CACNA2D1: variants seen among roughly 807,000 people sequenced by gnomAD.
The protein encoded by CACNA2D1 is calcium voltage-gated channel auxiliary subunit alpha2delta 1.
A neutral mutation model predicts 171.5 loss-of-function variants in CACNA2D1; 53 were observed. The ratio of observed to expected loss-of-function variants is 0.31; its 90% CI spans 0.25 to 0.39. The LOEUF (loss-of-function observed/expected upper bound fraction) is 0.39, where lower values mean the gene tolerates loss of function less well. Ranked by LOEUF, CACNA2D1 falls within the 10% of genes least tolerant of loss-of-function variation. The pLI is 1.00. For synonymous variants in CACNA2D1, 442 were observed against 443.1 expected (o/e 1.00, Z 0.03); for missense variants, 903 against 1,299.8 (o/e 0.69, Z 4.69).
intron 3 of CACNA2D1, among the ~76,000 whole-genome samples, chr7:82,203,817 G>A (rs559173262): frequency 1.2e-4 from 19 of 152,292 alleles, no homozygotes; most frequent in Admixed American, 3.3e-4. Context: ...CAGCATGGCC[G>A]GATGGGCTAC....
At chr7:82,160,901 C>A (rs1332648381) in intron 4 of CACNA2D1, among the ~76,000 whole-genome samples, 2 of 151,976 alleles carry the variant, frequency 1.3e-5, no homozygotes, top group African/African-American at 2.4e-5. Context: ...GAAAAAATAT[C>A]TTTTCATCCC....
At chr7:82,337,891 T>C (rs937605647) in intron 2 of CACNA2D1, among the ~76,000 whole-genome samples, 8 of 152,206 alleles carry the variant, frequency 5.3e-5, no homozygotes, top group Non-Finnish European at 1.0e-4. Context: ...TTGTCACCTG[T>C]ACATTCTTTC....
intron 15 of CACNA2D1, among the ~76,000 whole-genome samples, chr7:82,011,465 C>A (rs919272364): frequency 1.3e-5 from 2 of 152,070 alleles, no homozygotes; most frequent in Non-Finnish European, 2.9e-5. Flanking sequence ...GGCAAAAAGA[C>A]CCCCTTGTTG....
chr7:82,007,626 C>G (rs751424341), intron 16 of CACNA2D1, 53 bp downstream of exon 16: 7 of 943,032 alleles, frequency 7.4e-6, no homozygotes, highest in Non-Finnish European at 1.0e-5. Flanking sequence ...TGTTGAGCTT[C>G]AACGTCACAG....
chr7:82,313,271 C>G (rs80071927), intron 3 of CACNA2D1, among the ~76,000 whole-genome samples: 25,826 of 152,064 alleles, frequency 0.17, 2,272 homozygotes, highest in South Asian at 0.28. Context: ...CTAAAGGAAA[C>G]CAAAAAGATT....
intron 1 of CACNA2D1, among the ~76,000 whole-genome samples, chr7:82,410,229 G>GA (rs898040291): frequency 2.6e-5 from 4 of 151,960 alleles, no homozygotes; most frequent in Non-Finnish European, 4.4e-5. Context: ...AATTTTAGTA[G>GA]AAAAAAAGAT....
intron 10 of CACNA2D1, among the ~76,000 whole-genome samples, chr7:82,047,907 T>A (rs1804736366): frequency 6.6e-6 from 1 of 152,078 alleles, no homozygotes; most frequent in South Asian, 2.1e-4. Context: ...AGGGAAGGCC[T>A]CTCTATCACG....
intron 1 of CACNA2D1, among the ~76,000 whole-genome samples, chr7:82,413,359 T>C (rs1228309245): frequency 6.6e-6 from 1 of 152,242 alleles, no homozygotes; most frequent in African/African-American, 2.4e-5. Flanking sequence ...AATTGTTGTG[T>C]CTGCATTTTC....
chr7:82,263,259 C>A (rs887044079), intron 3 of CACNA2D1, among the ~76,000 whole-genome samples: 1 of 151,926 alleles, frequency 6.6e-6, no homozygotes, highest in African/African-American at 2.4e-5. Context: ...CAGGTGCGCA[C>A]CACCAAGCCT....
chr7:82,389,981 CA>C (rs1824909869), intron 1 of CACNA2D1, among the ~76,000 whole-genome samples: 1 of 152,102 alleles, frequency 6.6e-6, no homozygotes, highest in Non-Finnish European at 1.5e-5. Flanking sequence ...AACATGAGCT[CA>C]GGGGAGAAGA....
chr7:82,334,268 A>G (rs1817723934), intron 3 of CACNA2D1, among the ~76,000 whole-genome samples: 2 of 152,166 alleles, frequency 1.3e-5, no homozygotes, highest in East Asian at 1.9e-4. Flanking sequence ...TTGGAAAACA[A>G]TTGTCATTTT....
intron 1 of CACNA2D1, among the ~76,000 whole-genome samples, chr7:82,406,156 T>C (rs954571277): frequency 1.3e-5 from 2 of 152,156 alleles, no homozygotes; most frequent in Admixed American, 6.5e-5. Context: ...TTTCTGTCCT[T>C]GCAATAGTTT....
At chr7:82,177,158 C>T (rs936950831) in intron 3 of CACNA2D1, among the ~76,000 whole-genome samples, 6 of 147,994 alleles carry the variant, frequency 4.1e-5, no homozygotes, top group Non-Finnish European at 8.9e-5. Flanking sequence ...GAAATAGTCT[C>T]GAGCCTACCA....
chr7:82,344,298 G>C (rs7806758), intron 2 of CACNA2D1, among the ~76,000 whole-genome samples: 12,854 of 152,020 alleles, frequency 0.085, 1,801 homozygotes, highest in African/African-American at 0.29. Flanking sequence ...ATGATAATCA[G>C]AAGTATTTCC....
chr7:81,947,091 G>C lies in CACNA2D1; in HGVS notation c.*3301C>G, dbSNP rs1792104297. The C allele has an allele frequency of 6.6e-6, 1 of 151,920 alleles. No individual in the cohort carries two copies. The highest frequency in any genetic ancestry group is 1.5e-5 in the Non-Finnish European group (1 of 67,896). The allele number at this position is 151,920 out of a possible 1,614,324, so 9.4% of individuals were successfully genotyped here. ...CATTAAACATTTGAACGTCTAACAT[G>C]ATCAATGGAATAGATTCAGAGTTTT... On this transcript the variant is annotated 3_prime_UTR_variant, in exon 39 of 39. Coordinates refer to ENST00000356860, the MANE Select transcript of CACNA2D1 (RefSeq NM_000722.4).
At chr7:82,321,921 T>C (rs1281504765) in intron 3 of CACNA2D1, among the ~76,000 whole-genome samples, 1 of 149,708 alleles carries the variant, frequency 6.7e-6, no homozygotes. Flanking sequence ...GGTCAGGAGA[T>C]CGAGACCATC....
intron 20 of CACNA2D1, 141 bp downstream of exon 20, chr7:81,994,727 C>A: frequency 1.7e-6 from 1 of 579,744 alleles, no homozygotes; most frequent in South Asian, 2.5e-5. Context: ...CTAAGAAGTG[C>A]TTTAAAAAGA....
chr7:82,119,450 T>C (rs1789462564), intron 5 of CACNA2D1, among the ~76,000 whole-genome samples: 1 of 152,158 alleles, frequency 6.6e-6, no homozygotes, highest in Admixed American at 6.6e-5. Flanking sequence ...TTACAACCAG[T>C]GCATATTAGC....
chr7:82,029,870 A>G (rs1265716424), intron 12 of CACNA2D1: 8 of 151,856 alleles, frequency 5.3e-5, no homozygotes, highest in Non-Finnish European at 1.0e-4. Context: ...TAGAGACAAA[A>G]TTAAATGAAA....
Sources: gnomAD v4.1 joint callset for allele counts (sites outside exome capture counted in the v4.1 genomes callset) on GRCh38, gnomAD v4.1.1 for gene constraint, MANE v1.5 for transcripts, NCBI Gene and HGNC (gene_info 2026-07-23, HGNC 2026-07-21) for gene names.